Variants in TMEM215 observed in about 807,000 individuals in gnomAD.
The protein encoded by TMEM215 is transmembrane protein 215.
Under a neutral mutation model 14.7 loss-of-function variants are expected in TMEM215, and 12 were observed. The ratio of observed to expected loss-of-function variants is 0.82; its 90% CI spans 0.52 to 1.33. TMEM215 has a LOEUF of 1.33. Among genes scored for constraint, TMEM215 ranks in the 40% most tolerant of loss-of-function variants. The probability of loss-of-function intolerance (pLI) is 0.00; values close to 1 mark genes in which losing one functional copy is unlikely to be tolerated. For missense variants in TMEM215, 276 were observed against 296.2 expected, an observed-to-expected ratio of 0.93 and a Z score of 0.50; for synonymous variants, 122 against 124.8, an observed-to-expected ratio of 0.98 and a Z score of 0.15.
In TMEM215 at chr9:32,786,531, C is replaced by T. The variant is rs1456148132; in HGVS notation, c.*1640C>T. On this transcript the variant is annotated 3_prime_UTR_variant, in exon 2 of 2. Coordinates refer to ENST00000342743, the MANE Select transcript of TMEM215 (RefSeq NM_212558.3). ...TCTTCTTACACCTGAGTTTCCTACT[C>T]TGTGAAGGGAGGGGGAACTGATTTA... The T allele has an allele frequency of 6.0e-6, 1 of 166,918 alleles. No individual in the cohort carries two copies. The highest frequency in any genetic ancestry group is 6.5e-5 in the Admixed American group (1 of 15,278). The allele number at this position is 166,918 out of a possible 1,614,324, so 10.3% of individuals were successfully genotyped here.
In TMEM215 at chr9:32,785,786, A is replaced by G. The variant is rs531960250; in HGVS notation, c.*895A>G. On this transcript the variant is annotated 3_prime_UTR_variant, in exon 2 of 2. Transcript: ENST00000342743. ...TAACATTGGCAGACATGTACTGATAATTACCATTCCTACATACCTTTTAAA... is the reference window on the plus strand; with the variant it reads ...TAACATTGGCAGACATGTACTGATAGTTACCATTCCTACATACCTTTTAAA... 10 of 166,992 alleles carry G rather than the reference A, an allele frequency of 6.0e-5. No homozygotes were observed. Among genetic ancestry groups the G allele is most frequent in the Non-Finnish European group, 1.5e-4 (10 of 68,110 alleles). 10.3% of individuals were successfully genotyped at this position (166,992 alleles called of 1,614,324 possible). A position where few individuals can be genotyped will look rare whatever the true frequency, so the allele number is the denominator to read the frequency against.
rs1563867639 is a variant in TMEM215, at chr9:32,784,691, A to G, written c.508A>G (p.Ser170Gly). The change falls in exon 2 of 2, where the codon AGT (serine) becomes GGT (glycine). Residue 170 changes from serine (S) to glycine (G), a missense_variant. Transcript: ENST00000342743. ...RYLDGYCPSGSSLTYSALDVK... is the reference protein window; with the variant it reads ...RYLDGYCPSGGSLTYSALDVK... Reference sequence around the variant, plus strand: ...CCTGGACGGCTACTGCCCCTCGGGCAGTTCCCTCACCTACAGTGCCTTGGA... The same window carrying G: ...CCTGGACGGCTACTGCCCCTCGGGCGGTTCCCTCACCTACAGTGCCTTGGA... The G allele has an allele frequency of 1.9e-6, 3 of 1,614,158 alleles. No homozygotes were observed. The highest frequency in any genetic ancestry group is 2.7e-5 in the African/African-American group (2 of 75,042).
Position 32,786,568 on chromosome 9 carries a change from T to C in TMEM215, c.*1677T>C, listed in dbSNP as rs1441255365. On this transcript the variant is annotated 3_prime_UTR_variant, in exon 2 of 2. Coordinates refer to ENST00000342743, the MANE Select transcript of TMEM215 (RefSeq NM_212558.3). Reference sequence around the variant, plus strand: ...GGGGAACTGATTTACACTTGATTATTTCTATCATTCATTTTCAGTGTAAAT... The same window carrying C: ...GGGGAACTGATTTACACTTGATTATCTCTATCATTCATTTTCAGTGTAAAT... 1 of 166,988 alleles carries C rather than the reference T, an allele frequency of 6.0e-6. No homozygotes were observed. The highest frequency in any genetic ancestry group is 1.5e-5 in the Non-Finnish European group (1 of 68,034). 10.3% of individuals were successfully genotyped at this position (166,988 alleles called of 1,614,324 possible). A position where few individuals can be genotyped will look rare whatever the true frequency, so the allele number is the denominator to read the frequency against.
Position 32,784,848 on chromosome 9 carries a change from T to C in TMEM215, c.665T>C (p.Ile222Thr). 6.2e-7 allele frequency: 1 copy of C among 1,613,214 alleles called. No individual in the cohort carries two copies. Among genetic ancestry groups the C allele is most frequent in the Non-Finnish European group, 8.5e-7 (1 of 1,180,024 alleles). The change falls in exon 2 of 2, where the codon ATC becomes ACC. Residue 222 changes from isoleucine (I) to threonine (T), a missense_variant. Coordinates refer to ENST00000342743, the MANE Select transcript of TMEM215 (RefSeq NM_212558.3). ...CCGTATGACAGATACTGTTGTTATA[T>C]CAATCAGATACAAGGCAGGTGGGAC... ...NSPYDRYCCY[I>T]NQIQGRWDHE...
At position 32,784,920 on chromosome 9, in the gene TMEM215, T is replaced by C. The variant is rs1220337442; in HGVS notation, c.*29T>C. Reference sequence around the variant, plus strand: ...CTGCCTACAAAGGTGGCTGGATTGATAGAATATGACTAAGCCCAGCTCCCC... The same window carrying C: ...CTGCCTACAAAGGTGGCTGGATTGACAGAATATGACTAAGCCCAGCTCCCC... On this transcript the variant is annotated 3_prime_UTR_variant, in exon 2 of 2. Coordinates refer to ENST00000342743, the MANE Select transcript of TMEM215 (RefSeq NM_212558.3). The C allele has an allele frequency of 4.4e-6, 7 of 1,580,024 alleles. 1 individual carries two copies. The South Asian group carries it at 8.0e-5, about 18-fold the overall frequency.
rs781017291 is a variant in TMEM215 at position 32,784,475 on chromosome 9, C to G, written c.292C>G (p.Pro98Ala). The G allele has an allele frequency of 6.2e-7, 1 of 1,614,102 alleles. No individual in the cohort carries two copies. Among genetic ancestry groups the G allele is most frequent in the Admixed American group, 1.7e-5 (1 of 60,030 alleles). Residue 98 changes from proline to alanine, a missense_variant, in exon 2 of 2, where the codon CCT (proline) becomes GCT (alanine). Physicochemically the swap from Pro to Ala is conservative, Grantham distance 27. Transcript: ENST00000342743. ...GGAGGTGGTAGAGCTGCTGAGGACC[C>G]CTTCAGACCTAGAATCCGGCAAGGG... ...DKEVVELLRTPSDLESGKGSS... is the reference protein window; with the variant it reads ...DKEVVELLRTASDLESGKGSS...
rs930054537 is a variant in TMEM215, at chr9:32,784,346, G to A, written c.163G>A (p.Ala55Thr). Residue 55 changes from alanine (A) to threonine (T), a missense_variant, in exon 2 of 2, where the codon GCA (alanine) becomes ACA (threonine). Physicochemically the swap from Ala to Thr is moderately conservative, Grantham distance 58 (BLOSUM62 0). Transcript: ENST00000342743. Reference sequence around the variant, plus strand: ...GCCAGCCATCTGCCTACCAGGCATCGCAGCCATTGCCCTGGCCAGGAAAAC... The same window carrying A: ...GCCAGCCATCTGCCTACCAGGCATCACAGCCATTGCCCTGGCCAGGAAAAC... ...IGPAICLPGI[A>T]AIALARKTEG... 3.7e-6 allele frequency: 6 copies of A among 1,614,096 alleles called. No individual in the cohort carries two copies. The highest frequency in any genetic ancestry group is 2.7e-5 in the African/African-American group (2 of 74,916).
Position 32,786,658 on chromosome 9 carries a change from T to C in TMEM215, c.*1767T>C, listed in dbSNP as rs1042474362. The C allele has an allele frequency of 6.0e-6, 1 of 167,000 alleles. No homozygotes were observed. The highest frequency in any genetic ancestry group is 6.5e-5 in the Admixed American group (1 of 15,276). The allele number at this position is 167,000 out of a possible 1,614,324, so 10.3% of individuals were successfully genotyped here. ...AGGAAATGAGTTACAGCAAAATGCATGCCAAAGTTATGAAATTTATGATAA... is the reference window on the plus strand; with the variant it reads ...AGGAAATGAGTTACAGCAAAATGCACGCCAAAGTTATGAAATTTATGATAA... On this transcript the variant is annotated 3_prime_UTR_variant, in exon 2 of 2. Coordinates refer to ENST00000342743, the MANE Select transcript of TMEM215 (RefSeq NM_212558.3).
rs1824475461 is a variant in TMEM215, at chr9:32,784,236, G to A, written c.53G>A (p.Ser18Asn). Residue 18 changes from serine to asparagine, a missense_variant, in exon 2 of 2, where the codon AGT (serine) becomes AAT (asparagine). Physicochemically the swap from Ser to Asn is conservative, Grantham distance 46 (BLOSUM62 1). Transcript: ENST00000342743. ...ACTGGGCTGGTGGTGGCCCTGGTCA[G>A]TGTCTTCCTCGTCTTTGGTTTCATG... is the stretch of plus-strand genomic sequence containing the variant. ...PRTGLVVALV[S>N]VFLVFGFMFT... The A allele has an allele frequency of 6.2e-7, 1 of 1,614,108 alleles. No individual in the cohort carries two copies.
In TMEM215 at chr9:32,786,187, T is replaced by C. The variant is rs571899465; in HGVS notation, c.*1296T>C. ...GGTGAAGAAAAATATGAATTATATATAGGAATGGTGATAGAGTTCATCTTG... is the reference window on the plus strand; with the variant it reads ...GGTGAAGAAAAATATGAATTATATACAGGAATGGTGATAGAGTTCATCTTG... On this transcript the variant is annotated 3_prime_UTR_variant, in exon 2 of 2. Transcript: ENST00000342743. 7 of 167,106 alleles carry C rather than the reference T, an allele frequency of 4.2e-5. No individual in the cohort carries two copies. Among genetic ancestry groups the C allele is most frequent in the African/African-American group, 1.7e-4 (7 of 41,558 alleles). The allele number at this position is 167,106 out of a possible 1,614,324, so 10.4% of individuals were successfully genotyped here.
rs1182997980 is a variant in TMEM215 at position 32,787,433 on chromosome 9, T to G, written c.*2542T>G. The G allele has an allele frequency of 6.0e-6, 1 of 166,936 alleles. No individual in the cohort carries two copies. The highest frequency in any genetic ancestry group is 1.5e-5 in the Non-Finnish European group (1 of 68,030). 10.3% of individuals were successfully genotyped at this position (166,936 alleles called of 1,614,324 possible). On this transcript the variant is annotated 3_prime_UTR_variant, in exon 2 of 2. Transcript: ENST00000342743. ...AGGTTTTAACTTTGACCAGTGAGAA[T>G]AAAATGTATGATTGTGTGTGTGAAT...
chr9:32,788,038 T>G lies in TMEM215; in HGVS notation c.*3147T>G, dbSNP rs1824527087. Among the ~76,000 whole-genome samples, 1 of 152,296 alleles carries G rather than the reference T, an allele frequency of 6.6e-6. No individual in the cohort carries two copies. The highest frequency in any genetic ancestry group is 1.5e-5 in the Non-Finnish European group (1 of 67,988). ...TTGGCAAACAAAATCCAGATACAGTTAAGTTCAGGCTCTCTTCCAAACCCT... is the reference window on the plus strand; with the variant it reads ...TTGGCAAACAAAATCCAGATACAGTGAAGTTCAGGCTCTCTTCCAAACCCT... On this transcript the variant is annotated 3_prime_UTR_variant, in exon 2 of 2. Transcript: ENST00000342743.
In TMEM215 at chr9:32,787,642, C is replaced by T. The variant is rs1824522153; in HGVS notation, c.*2751C>T. ...GAAGAGAAAGAGAAAAAAAGTGTCT[C>T]AGCCCTTTAGAGGAAAAGAGAGCAA... On this transcript the variant is annotated 3_prime_UTR_variant, in exon 2 of 2. Coordinates refer to ENST00000342743, the MANE Select transcript of TMEM215 (RefSeq NM_212558.3). Among the ~76,000 whole-genome samples the T allele has an allele frequency of 6.6e-6, 1 of 152,036 alleles. No individual in the cohort carries two copies. Among genetic ancestry groups the T allele is most frequent in the Admixed American group, 6.6e-5 (1 of 15,266 alleles).
chr9:32,785,137 C>A lies in TMEM215; in HGVS notation c.*246C>A, dbSNP rs1824492268. 1 of 491,638 alleles carries A rather than the reference C, an allele frequency of 2.0e-6. No homozygotes were observed. The highest frequency in any genetic ancestry group is 1.9e-5 in the African/African-American group (1 of 51,690). The allele number at this position is 491,638 out of a possible 1,614,324, so 30.5% of individuals were successfully genotyped here. A position where few individuals can be genotyped will look rare whatever the true frequency, so the allele number is the denominator to read the frequency against. On this transcript the variant is annotated 3_prime_UTR_variant, in exon 2 of 2. Coordinates refer to ENST00000342743, the MANE Select transcript of TMEM215 (RefSeq NM_212558.3). ...GTAGGAAAGGAAGCTACTCCAGTTG[C>A]TTCTTAACAATTTACACAATGTTAA...
rs1041785092 is a variant in TMEM215, at chr9:32,787,766, A to T, written c.*2875A>T. 3.0e-4 allele frequency among the ~76,000 whole-genome samples: 46 copies of T among 152,266 alleles called. No individual in the cohort carries two copies. The highest frequency in any genetic ancestry group is 1.1e-3 in the African/African-American group (44 of 41,576). On this transcript the variant is annotated 3_prime_UTR_variant, in exon 2 of 2. Transcript: ENST00000342743. ...AGCCTTCAAGAGCTCCTAGACAGAT[A>T]TAAATTTAAGTAGACATTACTTTAT... is the stretch of plus-strand genomic sequence containing the variant.
In TMEM215 at chr9:32,788,671, A is replaced by G. The variant is rs953516092; in HGVS notation, c.*3780A>G. Among the ~76,000 whole-genome samples, 4 of 152,182 alleles carry G rather than the reference A, an allele frequency of 2.6e-5. No individual in the cohort carries two copies. Among genetic ancestry groups the G allele is most frequent in the African/African-American group, 9.7e-5 (4 of 41,446 alleles). ...TATCTCCTTGTGGATGAGAGAGAGG[A>G]GGCAGAAATGTGTAAATGAATGGAA... On this transcript the variant is annotated 3_prime_UTR_variant, in exon 2 of 2. Coordinates refer to ENST00000342743, the MANE Select transcript of TMEM215 (RefSeq NM_212558.3).
rs922003631 is a variant in TMEM215 at position 32,787,767 on chromosome 9, T to C, written c.*2876T>C. Among the ~76,000 whole-genome samples the C allele has an allele frequency of 2.0e-5, 3 of 152,130 alleles. No individual in the cohort carries two copies. The highest frequency in any genetic ancestry group is 4.4e-5 in the Non-Finnish European group (3 of 67,984). ...GCCTTCAAGAGCTCCTAGACAGATA[T>C]AAATTTAAGTAGACATTACTTTATT... On this transcript the variant is annotated 3_prime_UTR_variant, in exon 2 of 2. Coordinates refer to ENST00000342743, the MANE Select transcript of TMEM215 (RefSeq NM_212558.3).
Position 32,784,157 on chromosome 9 carries a change from C to A in TMEM215, c.-27C>A, listed in dbSNP as rs367635990. Reference sequence around the variant, plus strand: ...GGAACGCTGCTCCCTGGTCAGCAAGCAGCCCCCAACCTGGATGGAGTGAAA... The same window carrying A: ...GGAACGCTGCTCCCTGGTCAGCAAGAAGCCCCCAACCTGGATGGAGTGAAA... On this transcript the variant is annotated 5_prime_UTR_variant, in exon 2 of 2. Coordinates refer to ENST00000342743, the MANE Select transcript of TMEM215 (RefSeq NM_212558.3). 3 of 1,584,332 alleles carry A rather than the reference C, an allele frequency of 1.9e-6. No individual in the cohort carries two copies. The highest frequency in any genetic ancestry group is 1.2e-5 in the South Asian group (1 of 86,110).
Position 32,784,919 on chromosome 9 carries a change from A to G in TMEM215, c.*28A>G. The G allele has an allele frequency of 6.3e-7, 1 of 1,580,258 alleles. No homozygotes were observed. The highest frequency in any genetic ancestry group is 8.6e-7 in the Non-Finnish European group (1 of 1,156,094). On this transcript the variant is annotated 3_prime_UTR_variant, in exon 2 of 2. Transcript: ENST00000342743. ...TCTGCCTACAAAGGTGGCTGGATTG[A>G]TAGAATATGACTAAGCCCAGCTCCC...
Sources: allele counts gnomAD v4.1 joint callset (sites outside exome capture counted in the v4.1 genomes callset), GRCh38; gene constraint gnomAD v4.1.1; transcripts MANE v1.5; gene names NCBI Gene and HGNC (gene_info 2026-07-23, HGNC 2026-07-21).